The following L1TD1 variants were observed in gnomAD, a reference collection of about 807,000 sequenced individuals.
L1TD1 encodes the protein LINE-1 type transposase domain-containing protein 1.
L1TD1 carries 26 observed loss-of-function variants against 25.7 expected under a neutral mutation model. That is an observed-to-expected ratio of 1.01 (90% CI 0.74 to 1.40). The LOEUF (loss-of-function observed/expected upper bound fraction) is 1.40. L1TD1 is among the 40% of genes most tolerant of loss of function. The pLI is 0.00. For synonymous variants in L1TD1, 421 were observed against 335.6 expected, an observed-to-expected ratio of 1.25 and a Z score of -2.78; for missense variants, 1,130 against 975.0, an observed-to-expected ratio of 1.16 and a Z score of -2.12.
Position 62,210,895 on chromosome 1 carries a change from TC to T in L1TD1, c.2123del (p.Pro708GlnfsTer13), listed in dbSNP as rs1162147613. 1.5e-5 allele frequency: 24 copies of T among 1,551,190 alleles called. No individual in the cohort carries two copies. The East Asian group carries it at 5.9e-4, about 38-fold the overall frequency. The part of the protein sequence containing the change: ...RSCNIRLIGI[P>X]EKESYENRAE... Reference sequence around the variant, plus strand: ...GTTGCAACATTCGTTTGATAGGAATTCCAGAAAAGGAGAGTTATGAGAATAG... The same window carrying T: ...GTTGCAACATTCGTTTGATAGGAATTCAGAAAAGGAGAGTTATGAGAATAG... On this transcript the variant is annotated frameshift_variant, in exon 4 of 4. Coordinates refer to ENST00000498273, the MANE Select transcript of L1TD1 (RefSeq NM_019079.5). LOFTEE classifies it low-confidence loss of function (END_TRUNC).
chr1:62,201,591 C>G (rs1028451052), intron 2 of L1TD1, among the ~76,000 whole-genome samples: 30 of 151,320 alleles, frequency 2.0e-4, no homozygotes, highest in African/African-American at 7.3e-4. Context: ...TTTGTTTAAT[C>G]TCTCTTTTTT....
At chr1:62,199,717 C>T (rs1670607064) in intron 2 of L1TD1, among the ~76,000 whole-genome samples, 2 of 152,170 alleles carry the variant, frequency 1.3e-5, no homozygotes, top group African/African-American at 4.8e-5. Context: ...TCTCATTGCA[C>T]CTGTCATGTA....
chr1:62,205,443 A>ATATTTTTTTTTTT (rs1553122597), intron 2 of L1TD1, among the ~76,000 whole-genome samples: 1 of 63,662 alleles, frequency 1.6e-5, no homozygotes, highest in East Asian at 4.1e-4. Flanking sequence ...ATATATATAT[A>ATATTTTTTTTTTT]TTTTTTTTTA....
Position 62,207,303 on chromosome 1 carries a change from G to A in L1TD1, c.675G>A (p.Glu225=). The A allele has an allele frequency of 1.3e-6, 2 of 1,550,488 alleles. No homozygotes were observed. Among genetic ancestry groups the A allele is most frequent in the East Asian group, 2.4e-5 (1 of 40,892 alleles). ...RKFQKLKNKE[E]VLKASREEKV... Reference sequence around the variant, plus strand: ...TTCAGAAATTGAAGAATAAAGAGGAGGTTTTAAAAGCCTCCAGAGAAGAAA... The same window carrying A: ...TTCAGAAATTGAAGAATAAAGAGGAAGTTTTAAAAGCCTCCAGAGAAGAAA... The change falls in exon 3 of 4, where the codon GAG becomes GAA. Residue 225 remains glutamate, a synonymous_variant. Coordinates refer to ENST00000498273, the MANE Select transcript of L1TD1 (RefSeq NM_019079.5).
In L1TD1 at chr1:62,211,629, C is replaced by T; in HGVS notation, c.*257C>T. 2.8e-6 allele frequency: 1 copy of T among 356,374 alleles called. No individual in the cohort carries two copies. Among genetic ancestry groups the T allele is most frequent in the Non-Finnish European group, 4.8e-6 (1 of 209,642 alleles). The allele number at this position is 356,374 out of a possible 1,614,324, so 22.1% of individuals were successfully genotyped here. On this transcript the variant is annotated 3_prime_UTR_variant, in exon 4 of 4. Coordinates refer to ENST00000498273, the MANE Select transcript of L1TD1 (RefSeq NM_019079.5). ...CAGATAGAATTCCTTGTTTTACTTCCCCCCCACCACCTCCCTACTGCAGTT... is the reference window on the plus strand; with the variant it reads ...CAGATAGAATTCCTTGTTTTACTTCTCCCCCACCACCTCCCTACTGCAGTT...
chr1:62,199,168 T>C (rs562362347), intron 2 of L1TD1, among the ~76,000 whole-genome samples: 5 of 148,062 alleles, frequency 3.4e-5, no homozygotes, highest in African/African-American at 4.9e-5. Flanking sequence ...AGGTCACATA[T>C]ATTTATTGTC....
chr1:62,202,519 A>T, intron 2 of L1TD1, among the ~76,000 whole-genome samples: 1 of 146,718 alleles, frequency 6.8e-6, no homozygotes. Flanking sequence ...ATTTTTTGTA[A>T]CTATCATGCT....
chr1:62,195,111 C>A (rs74859040), intron 1 of L1TD1, among the ~76,000 whole-genome samples, 190 bp downstream of exon 1: 1 of 147,558 alleles, frequency 6.8e-6, no homozygotes, highest in Non-Finnish European at 1.5e-5. Flanking sequence ...GTGGGGTCCG[C>A]AGCGCCCCAA....
At position 62,210,010 on chromosome 1, in the gene L1TD1, G is replaced by T. The variant is rs746386331; in HGVS notation, c.1236G>T (p.Gly412=). ...AGGAGGAGGAGGAAGAGCCCTCAGG[G>T]CTGGAGGAGGAAGAAGAAGAAGAGG... ...GLEEEEEEPS[G]LEEEEEEEAS... Residue 412 remains glycine (G), a synonymous_variant, in exon 4 of 4, where the codon GGG becomes GGT. Transcript: ENST00000498273. 9 of 1,580,764 alleles carry T rather than the reference G, an allele frequency of 5.7e-6. No homozygotes were observed. In the African/African-American group the frequency reaches 1.1e-4, roughly 20 times the overall value.
At chr1:62,209,190 C>G (rs945546439) in intron 3 of L1TD1, among the ~76,000 whole-genome samples, 16 of 151,944 alleles carry the variant, frequency 1.1e-4, no homozygotes, top group Admixed American at 6.6e-5. Context: ...GGCAATCGGG[C>G]CAGGGTTTGA....
intron 3 of L1TD1, chr1:62,208,137 T>C (rs1670788169): frequency 6.5e-6 from 1 of 153,260 alleles, no homozygotes; most frequent in Admixed American, 6.5e-5. Context: ...CCTTAGTCCT[T>C]CTTGGCAGCT....
At chr1:62,202,732 T>G (rs1375484407) in intron 2 of L1TD1, among the ~76,000 whole-genome samples, 1 of 141,462 alleles carries the variant, frequency 7.1e-6, no homozygotes, top group Non-Finnish European at 1.5e-5. Context: ...TCGCCCAGGC[T>G]GGAGGCAATG....
chr1:62,201,641 A>G (rs1284197959), intron 2 of L1TD1, among the ~76,000 whole-genome samples: 1 of 152,118 alleles, frequency 6.6e-6, no homozygotes, highest in Non-Finnish European at 1.5e-5. Flanking sequence ...TAAATCCCAG[A>G]CATCATGCCA....
chr1:62,211,447 TAC>T lies in L1TD1; in HGVS notation c.*78_*79del. ...CAAAAATCAACAAGTAAAACGAAAA[TAC>T]ACTTCTACCCAGAAGGATGGACAGC... On this transcript the variant is annotated 3_prime_UTR_variant, in exon 4 of 4. Transcript: ENST00000498273. 1 of 1,515,742 alleles carries T rather than the reference TAC, an allele frequency of 6.6e-7. No homozygotes were observed. Among genetic ancestry groups the T allele is most frequent in the Non-Finnish European group, 8.8e-7 (1 of 1,139,482 alleles). The allele number at this position is 1,515,742 out of a possible 1,614,324, so 93.9% of individuals were successfully genotyped here.
At chr1:62,205,411 CTCTCTCTA>C (rs1307959621) in intron 2 of L1TD1, among the ~76,000 whole-genome samples, 18 of 34,478 alleles carry the variant, frequency 5.2e-4, no homozygotes, top group Admixed American at 2.0e-3. Context: ...CTCTCTCTCT[CTCTCTCTA>C]TATATATATA....
Position 62,207,617 on chromosome 1 carries a change from A to G in L1TD1, c.989A>G (p.Tyr330Cys). ...KEEINQGGRK[Y>C]GIQEKRDKTL... is the part of the protein sequence containing the mutation. ...GAAATAAATCAAGGAGGAAGAAAAT[A>G]TGGAATTCAAGAAAAAAGGGTAAGC... Residue 330 changes from tyrosine to cysteine, a missense_variant, in exon 3 of 4, where the codon TAT (tyrosine) becomes TGT (cysteine). Transcript: ENST00000498273. 1 of 1,535,544 alleles carries G rather than the reference A, an allele frequency of 6.5e-7. No individual in the cohort carries two copies. Among genetic ancestry groups the G allele is most frequent in the Non-Finnish European group, 8.8e-7 (1 of 1,141,406 alleles).
chr1:62,211,130 C>G lies in L1TD1; in HGVS notation c.2356C>G (p.Gln786Glu). The G allele has an allele frequency of 6.5e-7, 1 of 1,548,742 alleles. No homozygotes were observed. Among genetic ancestry groups the G allele is most frequent in the South Asian group, 1.2e-5 (1 of 83,232 alleles). The change falls in exon 4 of 4, where the codon CAA (glutamine) becomes GAA (glutamate). Residue 786 changes from glutamine (Q) to glutamate (E), a missense_variant. By Grantham distance (29) the Gln-to-Glu change is conservative (BLOSUM62 2). Transcript: ENST00000498273. ...TAGAGAGAGAAGAGAAATTACCTAC[C>G]AAGGAACAAGAATCAGGTTGACAGC... is the stretch of plus-strand genomic sequence containing the variant. ...ASRERREITYQGTRIRLTADL... is the reference protein window; with the variant it reads ...ASRERREITYEGTRIRLTADL...
rs76143683 is a variant in L1TD1 at position 62,197,088 on chromosome 1, C to A, written c.-111+560C>A. On this transcript the variant is annotated intron_variant, in intron 2 of 3. Transcript: ENST00000498273. ...TGCAGGTTTTGCATTCTCACTACTT[C>A]AAGATTAAAAGGTAGGGCCAGGTGT... Among the ~76,000 whole-genome samples the A allele has an allele frequency of 7.7e-3, 1,176 of 151,942 alleles. 15 individuals are homozygous for A. The highest frequency in any genetic ancestry group is 0.027 in the African/African-American group (1,121 of 41,456).
chr1:62,198,776 A>G (rs1435913153), intron 2 of L1TD1, among the ~76,000 whole-genome samples: 3 of 136,292 alleles, frequency 2.2e-5, no homozygotes, highest in African/African-American at 7.7e-5. Context: ...ATACTTTTAA[A>G]GTAACCTCCT....
Sources: gnomAD v4.1 joint callset for allele counts (sites outside exome capture counted in the v4.1 genomes callset) on GRCh38, gnomAD v4.1.1 for gene constraint, MANE v1.5 for transcripts, NCBI Gene and HGNC (gene_info 2026-07-23, HGNC 2026-07-21) for gene names.